Variants in TAF4 observed in about 807,000 individuals in gnomAD.
TAF4 encodes TATA-box binding protein associated factor 4, also known as transcription initiation factor TFIID subunit 4.
A neutral mutation model predicts 90.3 loss-of-function variants in TAF4; 9 were observed. The ratio of observed to expected loss-of-function variants is 0.10; its 90% CI spans 0.06 to 0.17. The LOEUF is 0.17. TAF4 is among the 10% of genes least tolerant of loss of function. The pLI is 1.00. For missense variants in TAF4, 1,351 were observed against 1,370.7 expected, an observed-to-expected ratio of 0.99 and a Z score of 0.23; for synonymous variants, 818 against 638.9, an observed-to-expected ratio of 1.28 and a Z score of -4.23.
At chr20:62,034,485 G>GCCCA (rs2055921433) in intron 1 of TAF4, among the ~76,000 whole-genome samples, 1 of 151,480 alleles carries the variant, frequency 6.6e-6, no homozygotes, top group Non-Finnish European at 1.5e-5. Flanking sequence ...CACCACACCT[G>GCCCA]GCTAAATTTT....
intron 1 of TAF4, among the ~76,000 whole-genome samples, chr20:62,019,819 A>C (rs1227670648): frequency 6.6e-6 from 1 of 152,236 alleles, no homozygotes; most frequent in East Asian, 1.9e-4. Context: ...CTTTTACTGT[A>C]CTTGAAGCCA....
intron 1 of TAF4, among the ~76,000 whole-genome samples, chr20:62,029,336 T>C (rs1049036989): frequency 2.6e-5 from 4 of 152,176 alleles, no homozygotes; most frequent in African/African-American, 9.7e-5. Flanking sequence ...GACATGCAAC[T>C]CTGTGTGATA....
chr20:62,033,774 G>A (rs1023910569), intron 1 of TAF4, among the ~76,000 whole-genome samples: 1 of 150,686 alleles, frequency 6.6e-6, no homozygotes, highest in African/African-American at 2.4e-5. Flanking sequence ...CAGGTGAGGT[G>A]GCTCACGCCT....
intron 1 of TAF4, among the ~76,000 whole-genome samples, chr20:62,030,846 G>A (rs548305081): frequency 7.2e-5 from 11 of 152,280 alleles, no homozygotes; most frequent in East Asian, 1.9e-4. Context: ...GGATAAACAC[G>A]TGGCAGGGCC....
At chr20:62,064,172 G>A (rs991257140) in intron 1 of TAF4, 2 of 365,828 alleles carry the variant, frequency 5.5e-6, no homozygotes, top group Non-Finnish European at 4.9e-6. Flanking sequence ...AAGAGTCCTG[G>A]CTGAGCCACT....
chr20:61,996,748 AACATCACGCCACTGCGCTCCC>A (rs1478556302), intron 14 of TAF4, among the ~76,000 whole-genome samples: 1 of 151,736 alleles, frequency 6.6e-6, no homozygotes, highest in African/African-American at 2.4e-5. Flanking sequence ...GCAGTGAGCC[AACATCACGCCACTGCGCTCCC>A]ACCTGGCGAC....
At chr20:61,996,613 A>G (rs2123118525) in intron 14 of TAF4, among the ~76,000 whole-genome samples, 1 of 152,040 alleles carries the variant, frequency 6.6e-6, no homozygotes, top group African/African-American at 2.4e-5. Context: ...ATCCTGGCCA[A>G]CATGGTGAAA....
In TAF4 at chr20:62,023,768, A is replaced by G. The variant is rs1452496629; in HGVS notation, c.1361-9061T>C. Among the ~76,000 whole-genome samples the G allele has an allele frequency of 1.2e-4, 14 of 115,918 alleles. No homozygotes were observed. The South Asian group carries it at 4.0e-3, about 33-fold the overall frequency. 76.0% of individuals were successfully genotyped at this position (115,918 alleles called of 152,430 possible). ...ATCTCAAAAAAAAAAAAAAAAAAAA[A>G]AAGAAAGAAAGAAAGAAAAAGAAAG... On this transcript the variant is annotated intron_variant, in intron 1 of 14. Coordinates refer to ENST00000252996, the MANE Select transcript of TAF4 (RefSeq NM_003185.4).
intron 1 of TAF4, among the ~76,000 whole-genome samples, chr20:62,052,496 C>T (rs6089316): frequency 0.55 from 83,340 of 151,550 alleles, 23,361 homozygotes; most frequent in Middle Eastern, 0.67. Context: ...GGGTGCCCTG[C>T]CCCGCACCAG....
chr20:62,005,349 G>A (rs1207579884), intron 7 of TAF4: 1 of 152,270 alleles, frequency 6.6e-6, no homozygotes, highest in Non-Finnish European at 1.5e-5. Context: ...GAGGAGCCCA[G>A]GGAAGCAGAA....
At chr20:61,981,546 GCAAA>G (rs1288900620) in intron 14 of TAF4, 1 of 152,186 alleles carries the variant, frequency 6.6e-6, no homozygotes, top group Non-Finnish European at 1.5e-5. Context: ...TGAATAAACT[GCAAA>G]CAGTCTGAGG....
At chr20:62,059,140 A>G (rs1014731412) in intron 1 of TAF4, among the ~76,000 whole-genome samples, 1 of 152,338 alleles carries the variant, frequency 6.6e-6, no homozygotes, top group East Asian at 1.9e-4. Flanking sequence ...CGGTGGGAGA[A>G]GCTGGGGGCA....
intron 1 of TAF4, among the ~76,000 whole-genome samples, chr20:62,055,618 A>AG (rs1221203109): frequency 9.3e-5 from 14 of 150,416 alleles, no homozygotes; most frequent in Admixed American, 7.9e-4. Context: ...ACACTATCAG[A>AG]GGGCAGCCCT....
chr20:62,064,770 G>C lies in TAF4; in HGVS notation c.1041C>G (p.Pro347=). 1 of 1,128,862 alleles carries C rather than the reference G, an allele frequency of 8.9e-7. No homozygotes were observed. Among genetic ancestry groups the C allele is most frequent in the African/African-American group, 1.7e-5 (1 of 59,626 alleles). The allele number at this position is 1,128,862 out of a possible 1,614,324, so 69.9% of individuals were successfully genotyped here. Residue 347 remains proline, a synonymous_variant, in exon 1 of 15, where the codon CCC becomes CCG. Transcript: ENST00000252996. ...GGGGCGCCGCCTGCACCACCCTCTTGGGCGACTCGGCCTTGACCCCCGGCG... is the reference window on the plus strand; with the variant it reads ...GGGGCGCCGCCTGCACCACCCTCTTCGGCGACTCGGCCTTGACCCCCGGCG... ...APAPGVKAES[P]KRVVQAAPPA...
At position 62,064,848 on chromosome 20, in the gene TAF4, G is replaced by GC; in HGVS notation, c.962dup (p.Ala323ArgfsTer139). The GC allele has an allele frequency of 1.0e-6, 1 of 954,968 alleles. No homozygotes were observed. Among genetic ancestry groups the GC allele is most frequent in the East Asian group, 1.3e-4 (1 of 7,974 alleles). 59.2% of individuals were successfully genotyped at this position (954,968 alleles called of 1,614,324 possible). ...CGGGTTGGCCGCTGACCCCCGCGGG[G>GC]CCCCCGGCGGCCGGGGCGGGGGCGG... On this transcript the variant is annotated frameshift_variant, in exon 1 of 15. Coordinates refer to ENST00000252996, the MANE Select transcript of TAF4 (RefSeq NM_003185.4). LOFTEE classifies it high-confidence loss of function.
chr20:62,042,524 A>G (rs1235736912), intron 1 of TAF4, among the ~76,000 whole-genome samples: 1 of 152,204 alleles, frequency 6.6e-6, no homozygotes, highest in African/African-American at 2.4e-5. Context: ...CTAAAAGAGC[A>G]TTCATTGTAA....
chr20:61,999,594 G>A (rs916682993), intron 11 of TAF4, among the ~76,000 whole-genome samples: 1 of 152,138 alleles, frequency 6.6e-6, no homozygotes, highest in Non-Finnish European at 1.5e-5. Flanking sequence ...ATAGGGCTGC[G>A]GCACCTCAGG....
chr20:62,065,819 C>T lies in TAF4; in HGVS notation c.-9G>A. On this transcript the variant is annotated 5_prime_UTR_variant, in exon 1 of 15. Transcript: ENST00000252996. The stretch of plus-strand genomic sequence containing the variant: ...TCCGAGCCCGCCGCCATCTTTTTTC[C>T]TCGGCCGCCGCCGCCGCCGCCGCTC... 2 of 1,282,798 alleles carry T rather than the reference C, an allele frequency of 1.6e-6. No homozygotes were observed. The highest frequency in any genetic ancestry group is 1.6e-5 in the African/African-American group (1 of 62,400). 79.5% of individuals were successfully genotyped at this position (1,282,798 alleles called of 1,614,324 possible).
chr20:62,029,475 T>TGCGC lies in TAF4; in HGVS notation c.1361-14772_1361-14769dup, dbSNP rs369403106. Reference sequence around the variant, plus strand: ...GCAGCACCAGGGCCCAGTGCCCACGTGCGCGCGCGCGCACACACACACACA... The same window carrying TGCGC: ...GCAGCACCAGGGCCCAGTGCCCACGTGCGCGCGCGCGCGCGCACACACACACACA... On this transcript the variant is annotated intron_variant, in intron 1 of 14. Coordinates refer to ENST00000252996, the MANE Select transcript of TAF4 (RefSeq NM_003185.4). 2.8e-4 allele frequency among the ~76,000 whole-genome samples: 41 copies of TGCGC among 143,860 alleles called. No individual in the cohort carries two copies. In the South Asian group the frequency reaches 4.9e-3, roughly 17 times the overall value. The allele number at this position is 143,860 out of a possible 152,430, so 94.4% of individuals were successfully genotyped here.
Sources: gnomAD v4.1 joint callset for allele counts (sites outside exome capture counted in the v4.1 genomes callset) on GRCh38, gnomAD v4.1.1 for gene constraint, MANE v1.5 for transcripts, NCBI Gene and HGNC (gene_info 2026-07-23, HGNC 2026-07-21) for gene names.